KCNQ1: variants seen among roughly 807,000 people sequenced by gnomAD.
The protein encoded by KCNQ1 is potassium voltage-gated channel subfamily KQT member 1.
A neutral mutation model predicts 72.4 loss-of-function variants in KCNQ1; 49 were observed. The observed-to-expected ratio is 0.68, with a 90% CI of 0.54 to 0.86. KCNQ1 has a LOEUF of 0.86. Ranked by LOEUF, KCNQ1 falls within the 40% of genes least tolerant of loss-of-function variation. The pLI is 0.00. For synonymous variants in KCNQ1, 450 were observed against 412.6 expected (o/e 1.09, Z -1.10); for missense variants, 790 against 945.1 (o/e 0.84, Z 2.15).
intron 6 of KCNQ1, among the ~76,000 whole-genome samples, chr11:2,576,892 C>T (rs1264085262): frequency 6.6e-6 from 1 of 152,226 alleles, no homozygotes; most frequent in East Asian, 1.9e-4. Context: ...GTTCTTCCTC[C>T]TCCTGGAGTT....
chr11:2,675,463 A>T (rs1051478573), intron 11 of KCNQ1: 5 of 398,692 alleles, frequency 1.3e-5, no homozygotes, highest in Non-Finnish European at 2.2e-5. Flanking sequence ...AATGGAAAAA[A>T]GTTACATAAA....
chr11:2,566,429 A>T lies in KCNQ1; in HGVS notation c.478-4199A>T, dbSNP rs1385442364. On this transcript the variant is annotated intron_variant, in intron 2 of 15. Transcript: ENST00000155840. The surrounding 1 kb of genome is among the most constrained non-coding windows in gnomAD (Gnocchi z 6.7). The stretch of plus-strand genomic sequence containing the variant: ...CATGGACGCCAGTCTTCCCTCCCCT[A>T]AGCTGCGGGTGACCTGACCTAGTTG... Among the ~76,000 whole-genome samples the T allele has an allele frequency of 4.0e-5, 6 of 151,856 alleles. No homozygotes were observed. Among genetic ancestry groups the T allele is most frequent in the African/African-American group, 1.5e-4 (6 of 41,308 alleles).
rs1011974309 is a variant in KCNQ1, at chr11:2,526,341, C to T, written c.387-1587C>T. ...GTTCGGCTCTGCAGGTAGAGCTGACCGGTGTGGCAGGGACAGGGTGTCGGT... is the reference window on the plus strand; with the variant it reads ...GTTCGGCTCTGCAGGTAGAGCTGACTGGTGTGGCAGGGACAGGGTGTCGGT... On this transcript the variant is annotated intron_variant, in intron 1 of 15. Coordinates refer to ENST00000155840, the MANE Select transcript of KCNQ1 (RefSeq NM_000218.3). The surrounding 1 kb of genome is among the most constrained non-coding windows in gnomAD (Gnocchi z 6.1). 2.0e-5 allele frequency among the ~76,000 whole-genome samples: 3 copies of T among 151,784 alleles called. No individual in the cohort carries two copies. The highest frequency in any genetic ancestry group is 4.4e-5 in the Non-Finnish European group (3 of 67,952).
chr11:2,631,672 T>C, intron 10 of KCNQ1: 1 of 398,628 alleles, frequency 2.5e-6, no homozygotes, highest in East Asian at 3.6e-5. Context: ...AATTGAAATC[T>C]GCTCACTTGA....
Position 2,711,456 on chromosome 11 carries a change from C to A in KCNQ1, c.1514+49375C>A, listed in dbSNP as rs1851004680. 6.6e-6 allele frequency among the ~76,000 whole-genome samples: 1 copy of A among 152,204 alleles called. No homozygotes were observed. Among genetic ancestry groups the A allele is most frequent in the Non-Finnish European group, 1.5e-5 (1 of 68,048 alleles). ...CTTTTCTGTGAGCCGTCATGAAACA[C>A]CTCCTGTGGGCTTACTGAGCCACCA... On this transcript the variant is annotated intron_variant, in intron 11 of 15. Coordinates refer to ENST00000155840, the MANE Select transcript of KCNQ1 (RefSeq NM_000218.3). The surrounding 1 kb of genome is among the most constrained non-coding windows in gnomAD (Gnocchi z 5.4).
chr11:2,548,562 T>C (rs1016445062), intron 2 of KCNQ1, among the ~76,000 whole-genome samples: 8 of 152,246 alleles, frequency 5.3e-5, no homozygotes, highest in African/African-American at 1.9e-4. Context: ...CGTTTACGTG[T>C]CTGCAAACCG....
rs887899329 is a variant in KCNQ1 at position 2,559,163 on chromosome 11, C to T, written c.478-11465C>T. Reference sequence around the variant, plus strand: ...GGAGTGTCCCTTGAGCAAAATATTGCACTTTCGTTGCTCTCTGAAAGCCTA... The same window carrying T: ...GGAGTGTCCCTTGAGCAAAATATTGTACTTTCGTTGCTCTCTGAAAGCCTA... On this transcript the variant is annotated intron_variant, in intron 2 of 15. Transcript: ENST00000155840. The surrounding 1 kb of genome is among the most constrained non-coding windows in gnomAD (Gnocchi z 4.9). 1.3e-5 allele frequency among the ~76,000 whole-genome samples: 2 copies of T among 151,998 alleles called. No homozygotes were observed. The highest frequency in any genetic ancestry group is 2.9e-5 in the Non-Finnish European group (2 of 67,990).
intron 15 of KCNQ1, among the ~76,000 whole-genome samples, chr11:2,839,143 G>A (rs946974414): frequency 6.6e-5 from 10 of 152,174 alleles, no homozygotes; most frequent in East Asian, 1.9e-4. Context: ...GGGGAGGCTC[G>A]AGACCCCATC....
intron 1 of KCNQ1, among the ~76,000 whole-genome samples, chr11:2,496,578 T>C (rs1217876285): frequency 7.0e-6 from 1 of 142,630 alleles, no homozygotes; most frequent in East Asian, 2.3e-4. Context: ...TATGTGTGTC[T>C]TTGCACATGA....
Position 2,659,460 on chromosome 11 carries a change from G to A in KCNQ1, c.1394-2501G>A, listed in dbSNP as rs1849911818. ...AGTTAATTTCTTTTTATTGCTGGGTGGTATTCCATTGCATGAATATATACA... is the reference window on the plus strand; with the variant it reads ...AGTTAATTTCTTTTTATTGCTGGGTAGTATTCCATTGCATGAATATATACA... On this transcript the variant is annotated intron_variant, in intron 10 of 15. Coordinates refer to ENST00000155840, the MANE Select transcript of KCNQ1 (RefSeq NM_000218.3). The surrounding 1 kb of genome is among the most constrained non-coding windows in gnomAD (Gnocchi z 4.3). 2.5e-6 allele frequency: 1 copy of A among 398,488 alleles called. No homozygotes were observed. The highest frequency in any genetic ancestry group is 2.1e-5 in the African/African-American group (1 of 48,718). The allele number at this position is 398,488 out of a possible 1,614,324, so 24.7% of individuals were successfully genotyped here. A position where few individuals can be genotyped will look rare whatever the true frequency, so the allele number is the denominator to read the frequency against.
At chr11:2,469,616 T>C (rs943044832) in intron 1 of KCNQ1, among the ~76,000 whole-genome samples, 1 of 152,168 alleles carries the variant, frequency 6.6e-6, no homozygotes, top group African/African-American at 2.4e-5. Context: ...CTCTATCAGA[T>C]ACCTGCTCTG....
Position 2,653,537 on chromosome 11 carries a change from C to T in KCNQ1, c.1394-8424C>T, listed in dbSNP as rs1376132342. On this transcript the variant is annotated intron_variant, in intron 10 of 15. Transcript: ENST00000155840. This position sits in a 1 kb window ranked among gnomAD's most constrained non-coding sequence, Gnocchi z 5.3. ...TGCTCACTTGCTCTCACTCTCCCCT[C>T]TTGCACTCCCCTTCTCCCTTCCCGT... is the stretch of plus-strand genomic sequence containing the variant. 1 of 398,778 alleles carries T rather than the reference C, an allele frequency of 2.5e-6. No homozygotes were observed. Among genetic ancestry groups the T allele is most frequent in the Non-Finnish European group, 4.4e-6 (1 of 226,236 alleles). The allele number at this position is 398,778 out of a possible 1,614,324, so 24.7% of individuals were successfully genotyped here.
rs1847445550 is a variant in KCNQ1 at position 2,809,543 on chromosome 11, C to T, written c.1794+31506C>T. On this transcript the variant is annotated intron_variant, in intron 15 of 15. Coordinates refer to ENST00000155840, the MANE Select transcript of KCNQ1 (RefSeq NM_000218.3). This position sits in a 1 kb window ranked among gnomAD's most constrained non-coding sequence, Gnocchi z 7.1. ...TGCTGTGTATGAAGGTGGCAACAGA[C>T]TCCCCATAGTCCTCTCACCACAGAC... is the stretch of plus-strand genomic sequence containing the variant. Among the ~76,000 whole-genome samples, 1 of 152,192 alleles carries T rather than the reference C, an allele frequency of 6.6e-6. No individual in the cohort carries two copies. Among genetic ancestry groups the T allele is most frequent in the African/African-American group, 2.4e-5 (1 of 41,444 alleles).
At chr11:2,655,700 C>A in intron 10 of KCNQ1, 1 of 397,024 alleles carries the variant, frequency 2.5e-6, no homozygotes, top group Non-Finnish European at 4.4e-6. Context: ...CAGCTCCCCT[C>A]CATGCTCTCC....
intron 8 of KCNQ1, among the ~76,000 whole-genome samples, chr11:2,587,191 A>G (rs1388586465): frequency 6.6e-6 from 1 of 152,032 alleles, no homozygotes; most frequent in Admixed American, 6.5e-5. Flanking sequence ...CTGGTTGCCC[A>G]TTTCCGCATT....
chr11:2,557,876 G>A (rs1383573003), intron 2 of KCNQ1, among the ~76,000 whole-genome samples: 1 of 152,226 alleles, frequency 6.6e-6, no homozygotes, highest in Non-Finnish European at 1.5e-5. Context: ...TAGTAATGGA[G>A]TTGTTTTGTT....
At position 2,598,158 on chromosome 11, in the gene KCNQ1, TAAAGGCATTTTTA is replaced by T. The variant is rs1848756909; in HGVS notation, c.1393+9307_1393+9319del. ...GTTCATTTATTTGAAGTTCTTCTAC[TAAAGGCATTTTTA>T]AAGGCTATAAATTTTCCTCTGATTG... is the stretch of plus-strand genomic sequence containing the variant. On this transcript the variant is annotated intron_variant, in intron 10 of 15. Transcript: ENST00000155840. This position sits in a 1 kb window ranked among gnomAD's most constrained non-coding sequence, Gnocchi z 6.2. Among the ~76,000 whole-genome samples the T allele has an allele frequency of 6.6e-6, 1 of 152,202 alleles. No homozygotes were observed. The highest frequency in any genetic ancestry group is 2.4e-5 in the African/African-American group (1 of 41,470).
In KCNQ1 at chr11:2,827,729, G is replaced by A. The variant is rs1847868439; in HGVS notation, c.1795-20038G>A. 6.6e-6 allele frequency among the ~76,000 whole-genome samples: 1 copy of A among 152,166 alleles called. No homozygotes were observed. The highest frequency in any genetic ancestry group is 1.5e-5 in the Non-Finnish European group (1 of 68,030). ...ATGTGGCTTGGAGGCCAGACCAGAA[G>A]GACTCAGATAGGAGTTGGGCGCTTG... On this transcript the variant is annotated intron_variant, in intron 15 of 15. Coordinates refer to ENST00000155840, the MANE Select transcript of KCNQ1 (RefSeq NM_000218.3). The surrounding 1 kb of genome is among the most constrained non-coding windows in gnomAD (Gnocchi z 6.7).
At chr11:2,742,504 A>G (rs562383176) in intron 11 of KCNQ1, among the ~76,000 whole-genome samples, 22 of 152,230 alleles carry the variant, frequency 1.4e-4, no homozygotes, top group South Asian at 6.2e-4. Context: ...ATTCATCCCA[A>G]TGCTGGTCCT....
Sources: allele counts gnomAD v4.1 joint callset (sites outside exome capture counted in the v4.1 genomes callset), GRCh38; gene constraint gnomAD v4.1.1; non-coding constraint Gnocchi (gnomAD v3.1); transcripts MANE v1.5; gene names NCBI Gene and HGNC (gene_info 2026-07-23, HGNC 2026-07-21).